Variants in NLRP14 observed in about 807,000 individuals in gnomAD.
The protein encoded by NLRP14 is NLR family pyrin domain containing 14, also known as NACHT, LRR and PYD domains-containing protein 14.
In NLRP14, 105 loss-of-function variants were observed where a neutral mutation model predicts 94.7. The ratio of observed to expected loss-of-function variants is 1.11; its 90% CI spans 0.95 to 1.30. The LOEUF is 1.30. NLRP14 is among the 50% of genes most tolerant of loss of function. The pLI, the probability that NLRP14 is intolerant of heterozygous loss-of-function variation, is 0.00. For missense variants in NLRP14, 1,362 were observed against 1,254.1 expected (o/e 1.09, Z -1.30); for synonymous variants, 508 against 459.9 (o/e 1.10, Z -1.34).
intron 9 of NLRP14, among the ~76,000 whole-genome samples, chr11:7,061,438 C>A (rs1338435393): frequency 6.6e-6 from 1 of 152,000 alleles, no homozygotes; most frequent in African/African-American, 2.4e-5. Context: ...TTGCTGTAAA[C>A]AAAGCTGTAC....
intron 5 of NLRP14, among the ~76,000 whole-genome samples, chr11:7,048,048 C>A (rs1185544200): frequency 6.6e-6 from 1 of 152,152 alleles, no homozygotes; most frequent in African/African-American, 2.4e-5. Context: ...GCATGAGCCA[C>A]CACACCTGGC....
chr11:7,042,309 C>T (rs1278610838), intron 3 of NLRP14, 79 bp from the exon 4 acceptor site: 26 of 1,204,242 alleles, frequency 2.2e-5, no homozygotes, highest in Non-Finnish European at 2.8e-5. Context: ...GTTCGGTATT[C>T]TTGACATTAC....
chr11:7,024,478 G>C (rs900653337), intron 1 of NLRP14, among the ~76,000 whole-genome samples: 2 of 152,190 alleles, frequency 1.3e-5, no homozygotes, highest in African/African-American at 4.8e-5. Context: ...TAGTATAAAA[G>C]ACCCCTACTT....
At chr11:7,027,801 A>C (rs928509515) in intron 1 of NLRP14, among the ~76,000 whole-genome samples, 10 of 152,118 alleles carry the variant, frequency 6.6e-5, no homozygotes, top group Non-Finnish European at 1.2e-4. Flanking sequence ...TTTCAGTCTC[A>C]TCTCGTTCTA....
At chr11:7,077,221 C>T in the NLRP14 span, among the ~76,000 whole-genome samples, 14 of 152,232 alleles carry the variant, frequency 9.2e-5, no homozygotes, top group Admixed American at 2.0e-4. Flanking sequence ...CGGAACTCGG[C>T]GTGGGGCGCC....
chr11:7,077,031 C>T, the NLRP14 span, among the ~76,000 whole-genome samples: 7 of 152,284 alleles, frequency 4.6e-5, no homozygotes, highest in South Asian at 4.1e-4. Context: ...AGTCACTGCC[C>T]GAAACACCTA....
intron 6 of NLRP14, among the ~76,000 whole-genome samples, chr11:7,053,078 A>G (rs1314165168): frequency 6.6e-6 from 1 of 152,200 alleles, no homozygotes; most frequent in East Asian, 1.9e-4. Context: ...AACAGAAATA[A>G]TATTGATTAT....
At chr11:7,076,533 C>G in the NLRP14 span, among the ~76,000 whole-genome samples, 1 of 152,156 alleles carries the variant, frequency 6.6e-6, no homozygotes, top group South Asian at 2.1e-4. Flanking sequence ...CTGATCCTCT[C>G]TGGCCACTCA....
the NLRP14 span, chr11:7,090,649 C>T: frequency 2.6e-5 from 9 of 348,694 alleles, no homozygotes; most frequent in African/African-American, 1.9e-4. Context: ...TGATAAACAT[C>T]TGCTCACCTA....
intron 10 of NLRP14, among the ~76,000 whole-genome samples, chr11:7,065,473 A>G (rs915246876): frequency 1.3e-5 from 2 of 152,132 alleles, no homozygotes; most frequent in East Asian, 1.9e-4. Flanking sequence ...TAGGTATACA[A>G]TCACATCATT....
chr11:7,044,718 A>G (rs949015349), intron 4 of NLRP14, among the ~76,000 whole-genome samples: 8 of 152,190 alleles, frequency 5.3e-5, no homozygotes, highest in African/African-American at 1.7e-4. Flanking sequence ...CCAGATGTAT[A>G]TAAAATTAAT....
At chr11:7,026,715 A>G (rs1393395999) in intron 1 of NLRP14, among the ~76,000 whole-genome samples, 1 of 151,152 alleles carries the variant, frequency 6.6e-6, no homozygotes, top group Admixed American at 6.6e-5. Flanking sequence ...ACGTATGTTT[A>G]TTGCAGCACT....
intron 1 of NLRP14, among the ~76,000 whole-genome samples, chr11:7,028,639 T>C (rs2119558633): frequency 6.6e-6 from 1 of 152,270 alleles, no homozygotes; most frequent in Non-Finnish European, 1.5e-5. Flanking sequence ...CTACATGATA[T>C]CTCTCTTCCT....
the NLRP14 span, chr11:7,089,217 C>T: frequency 6.2e-6 from 10 of 1,613,216 alleles, no homozygotes; most frequent in African/African-American, 4.0e-5. Context: ...CAAGTATGGC[C>T]GCATCGTCGA....
chr11:7,088,991 G>A, the NLRP14 span: 1 of 1,129,524 alleles, frequency 8.9e-7, no homozygotes, highest in Non-Finnish European at 1.3e-6. Flanking sequence ...TCCGGCTGCG[G>A]TTCCGTGGAC....
chr11:7,087,233 A>G, the NLRP14 span, among the ~76,000 whole-genome samples: 22 of 152,238 alleles, frequency 1.4e-4, no homozygotes, highest in African/African-American at 2.7e-4. Context: ...ACTTCAAGAG[A>G]TATCTCTCCT....
At chr11:7,079,614 A>T in the NLRP14 span, among the ~76,000 whole-genome samples, 1 of 152,218 alleles carries the variant, frequency 6.6e-6, no homozygotes, top group Non-Finnish European at 1.5e-5. Flanking sequence ...GAACCTCTTC[A>T]TTGCAGTTGG....
At chr11:7,036,491 G>A (rs1589858943) in intron 1 of NLRP14, among the ~76,000 whole-genome samples, 1 of 152,096 alleles carries the variant, frequency 6.6e-6, no homozygotes, top group Admixed American at 6.5e-5. Context: ...GATTATGACA[G>A]CAAAGAGACA....
intron 5 of NLRP14, among the ~76,000 whole-genome samples, chr11:7,048,731 A>G (rs149488387): frequency 6.6e-6 from 1 of 152,100 alleles, no homozygotes; most frequent in South Asian, 2.1e-4. Context: ...ATTGGATGTC[A>G]TCAATCCGGA....
Sources: allele counts gnomAD v4.1 joint callset (sites outside exome capture counted in the v4.1 genomes callset), GRCh38; gene constraint gnomAD v4.1.1; transcripts MANE v1.5; gene names NCBI Gene and HGNC (gene_info 2026-07-23, HGNC 2026-07-21).